Variants in VASH1 observed in about 807,000 individuals in gnomAD.
VASH1 encodes the protein tubulinyl-Tyr carboxypeptidase 1.
A neutral mutation model predicts 35.0 loss-of-function variants in VASH1; 16 were observed. The observed-to-expected ratio is 0.46, with a 90% CI of 0.31 to 0.70. The LOEUF (loss-of-function observed/expected upper bound fraction) is 0.70, where lower values mean the gene tolerates loss of function less well. Among genes scored for constraint, VASH1 ranks in the 30% least tolerant of loss-of-function variants. The probability of loss-of-function intolerance (pLI) is 0.05; values close to 1 mark genes in which losing one functional copy is unlikely to be tolerated. For missense variants in VASH1, 505 were observed against 510.7 expected (o/e 0.99, Z 0.11); for synonymous variants, 214 against 200.9 (o/e 1.07, Z -0.55).
At chr14:76,768,126 G>A (rs141464416) in intron 1 of VASH1, among the ~76,000 whole-genome samples, 1,991 of 152,340 alleles carry the variant, frequency 0.013, 18 homozygotes, top group Non-Finnish European at 0.02. Flanking sequence ...CAGGTGACTG[G>A]GTGGATGTGC....
chr14:76,771,798 G>A (rs1468811689), intron 3 of VASH1, among the ~76,000 whole-genome samples: 1 of 152,154 alleles, frequency 6.6e-6, no homozygotes, highest in Non-Finnish European at 1.5e-5. Context: ...GCCACCCCGT[G>A]TGTAGCCCCC....
intron 6 of VASH1, among the ~76,000 whole-genome samples, chr14:76,778,368 A>AT (rs1894005778): frequency 6.6e-6 from 1 of 152,148 alleles, no homozygotes; most frequent in Non-Finnish European, 1.5e-5. Context: ...CCACCCAGGA[A>AT]TGTCATGGGG....
At chr14:76,764,146 T>G (rs1251740163) in intron 1 of VASH1, among the ~76,000 whole-genome samples, 2 of 152,188 alleles carry the variant, frequency 1.3e-5, no homozygotes, top group African/African-American at 4.8e-5. Context: ...GGAAGGGGGC[T>G]AGGAAGAATG....
Position 76,773,217 on chromosome 14 carries a change from C to A in VASH1, c.530+6C>A. The A allele has an allele frequency of 6.2e-7, 1 of 1,614,090 alleles. No individual in the cohort carries two copies. The highest frequency in any genetic ancestry group is 8.5e-7 in the Non-Finnish European group (1 of 1,179,970). The stretch of plus-strand genomic sequence containing the variant: ...GAAGCCGTGATCCTGGGAATGTATC[C>A]TTCCTCACCTGAAGGGGAGGGGTCC... On this transcript the variant is annotated splice_donor_region_variant and intron_variant, in intron 4 of 6. Transcript: ENST00000167106.
In VASH1 at chr14:76,776,002, G is replaced by A. The variant is rs1170781416; in HGVS notation, c.641G>A (p.Arg214His). The A allele has an allele frequency of 3.7e-6, 6 of 1,612,914 alleles. No individual in the cohort carries two copies. Among genetic ancestry groups the A allele is most frequent in the South Asian group, 1.1e-5 (1 of 90,872 alleles). Residue 214 changes from arginine (R) to histidine (H), a missense_variant, in exon 5 of 7, where the codon CGC becomes CAC. Arg to His is a conservative substitution (Grantham distance 29). Transcript: ENST00000167106. ...HIVLGVNFAG[R>H]YGALGMSRRE... The stretch of plus-strand genomic sequence containing the variant: ...GTGCTGGGGGTGAACTTCGCGGGCC[G>A]CTACGGTGCGCTGGGCATGAGTCGG...
rs1893930130 is a variant in VASH1 at position 76,776,070 on chromosome 14, A to G, written c.709A>G (p.Ser237Gly). 1 of 1,609,504 alleles carries G rather than the reference A, an allele frequency of 6.2e-7. No homozygotes were observed. Among genetic ancestry groups the G allele is most frequent in the South Asian group, 1.1e-5 (1 of 90,716 alleles). The change falls in exon 5 of 7, where the codon AGC becomes GGC. Residue 237 changes from serine (S) to glycine (G), a missense_variant. By Grantham distance (56) the Ser-to-Gly change is moderately conservative. Coordinates refer to ENST00000167106, the MANE Select transcript of VASH1 (RefSeq NM_014909.5). ...MYKPPAFRTLSELVLDFEAAY... is the reference protein window; with the variant it reads ...MYKPPAFRTLGELVLDFEAAY... ...CAAGCCGCCCGCCTTCCGCACGCTCAGCGAGCTCGTGCTGGACTTCGAGGC... is the reference window on the plus strand; with the variant it reads ...CAAGCCGCCCGCCTTCCGCACGCTCGGCGAGCTCGTGCTGGACTTCGAGGC...
chr14:76,770,112 A>C, intron 2 of VASH1, 61 bp downstream of exon 2: 1 of 1,518,604 alleles, frequency 6.6e-7, no homozygotes, highest in African/African-American at 1.4e-5. Flanking sequence ...CCTTGTTTCC[A>C]GGCAGAGCTG....
At chr14:76,764,102 G>C (rs947112169) in intron 1 of VASH1, among the ~76,000 whole-genome samples, 2 of 152,212 alleles carry the variant, frequency 1.3e-5, no homozygotes, top group African/African-American at 4.8e-5. Flanking sequence ...TGAGTTCAGA[G>C]CCCAGTGCTT....
chr14:76,773,202 T>A lies in VASH1; in HGVS notation c.521T>A (p.Ile174Asn). 1 of 1,614,128 alleles carries A rather than the reference T, an allele frequency of 6.2e-7. No individual in the cohort carries two copies. Among genetic ancestry groups the A allele is most frequent in the Non-Finnish European group, 8.5e-7 (1 of 1,180,018 alleles). ...ALPIKCLEAV[I>N]LGIYLTNSMP... is the part of the protein sequence containing the mutation. ...CCAATCAAATGCCTGGAAGCCGTGATCCTGGGAATGTATCCTTCCTCACCT... is the reference window on the plus strand; with the variant it reads ...CCAATCAAATGCCTGGAAGCCGTGAACCTGGGAATGTATCCTTCCTCACCT... Residue 174 changes from isoleucine to asparagine, a missense_variant, in exon 4 of 7, where the codon ATC becomes AAC. Ile to Asn is a moderately radical substitution (Grantham distance 149). Coordinates refer to ENST00000167106, the MANE Select transcript of VASH1 (RefSeq NM_014909.5).
chr14:76,778,084 C>A lies in VASH1; in HGVS notation c.1025+13C>A. ...GCAGTGAAAGACGGTGAGAGAGGGACCACGCCTGGGTGGGTCCAAAGAGGG... is the reference window on the plus strand; with the variant it reads ...GCAGTGAAAGACGGTGAGAGAGGGAACACGCCTGGGTGGGTCCAAAGAGGG... On this transcript the variant is annotated intron_variant, in intron 6 of 6. Coordinates refer to ENST00000167106, the MANE Select transcript of VASH1 (RefSeq NM_014909.5). The A allele has an allele frequency of 6.8e-7, 1 of 1,464,744 alleles. No individual in the cohort carries two copies. Among genetic ancestry groups the A allele is most frequent in the Middle Eastern group, 1.7e-4 (1 of 5,720 alleles). 90.7% of individuals were successfully genotyped at this position (1,464,744 alleles called of 1,614,324 possible). A position where few individuals can be genotyped will look rare whatever the true frequency, so the allele number is the denominator to read the frequency against.
chr14:76,777,789 C>T (rs1324295646), intron 5 of VASH1, among the ~76,000 whole-genome samples, 170 bp from the exon 6 acceptor site: 1 of 152,232 alleles, frequency 6.6e-6, no homozygotes, highest in African/African-American at 2.4e-5. Context: ...GCTCTGGCAG[C>T]TTTAGTGCCT....
In VASH1 at chr14:76,768,276, C is replaced by T. The variant is rs975688798; in HGVS notation, c.310-1687C>T. Among the ~76,000 whole-genome samples the T allele has an allele frequency of 2.6e-5, 4 of 152,334 alleles. No individual in the cohort carries two copies. The East Asian group carries it at 7.7e-4, about 29-fold the overall frequency. On this transcript the variant is annotated intron_variant, in intron 1 of 6. Transcript: ENST00000167106. ...CCAGACAGGAAGAGGGGGGAGCCCC[C>T]CACCCCGGGTTTTATCTTGCTGGTG...
In VASH1 at chr14:76,778,958, C is replaced by CA; in HGVS notation, c.1040dup (p.Lys348GlufsTer12). 6.2e-7 allele frequency: 1 copy of CA among 1,614,204 alleles called. No individual in the cohort carries two copies. ...CTTCCTCCCACAGGCCCTCGGGTGA[C>CA]AAGAAGACTTCCGAGCCCAAAGCCA... On this transcript the variant is annotated frameshift_variant, in exon 7 of 7. Coordinates refer to ENST00000167106, the MANE Select transcript of VASH1 (RefSeq NM_014909.5). LOFTEE classifies it high-confidence loss of function.
chr14:76,777,899 G>A (rs112471681), intron 5 of VASH1, 60 bp from the exon 6 acceptor site: 17 of 1,305,626 alleles, frequency 1.3e-5, no homozygotes, highest in African/African-American at 1.2e-4. Flanking sequence ...CTCCTGGAAG[G>A]AGAGGTTGGG....
At position 76,762,007 on chromosome 14, in the gene VASH1, G is replaced by T. The variant is rs909913399; in HGVS notation, c.-815G>T. Among the ~76,000 whole-genome samples, 11 of 152,110 alleles carry T rather than the reference G, an allele frequency of 7.2e-5. 1 individual carries two copies. In the South Asian group the frequency reaches 2.3e-3, roughly 31 times the overall value. ...GCCGTCCTCCCGCTGAGACGCGCCC[G>T]AGTGGGGACCCGCTGGGCCTCGGGG... On this transcript the variant is annotated 5_prime_UTR_variant, in exon 1 of 7. Transcript: ENST00000167106.
chr14:76,770,461 A>C (rs914095421), intron 2 of VASH1, among the ~76,000 whole-genome samples: 1 of 152,182 alleles, frequency 6.6e-6, no homozygotes, highest in Non-Finnish European at 1.5e-5. Flanking sequence ...AAAGGGAAAA[A>C]TGGCAGAGAA....
At chr14:76,765,402 C>T (rs991056457) in intron 1 of VASH1, among the ~76,000 whole-genome samples, 1 of 152,300 alleles carries the variant, frequency 6.6e-6, no homozygotes, top group South Asian at 2.1e-4. Flanking sequence ...AACCACAGAT[C>T]TCAGATAAAT....
At chr14:76,775,801 T>A (rs1471021461) in intron 4 of VASH1, 91 bp from the exon 5 acceptor site, 1 of 1,463,348 alleles carries the variant, frequency 6.8e-7, no homozygotes, top group Non-Finnish European at 9.0e-7. Flanking sequence ...AGGCTGGCGG[T>A]GCGTGGACCC....
intron 1 of VASH1, among the ~76,000 whole-genome samples, chr14:76,768,846 G>A (rs1292134650): frequency 6.6e-6 from 1 of 152,210 alleles, no homozygotes; most frequent in Non-Finnish European, 1.5e-5. Context: ...TGGAGGCTTG[G>A]GGGCAGGGGG....
Sources: gnomAD v4.1 joint callset for allele counts (sites outside exome capture counted in the v4.1 genomes callset) on GRCh38, gnomAD v4.1.1 for gene constraint, MANE v1.5 for transcripts, NCBI Gene and HGNC (gene_info 2026-07-23, HGNC 2026-07-21) for gene names.